Variants in MYRIP observed in about 807,000 individuals in gnomAD.
MYRIP encodes the protein rab effector MyRIP.
A neutral mutation model predicts 98.0 loss-of-function variants in MYRIP; 49 were observed. The ratio of observed to expected loss-of-function variants is 0.50; its 90% CI spans 0.40 to 0.63. The LOEUF (loss-of-function observed/expected upper bound fraction) is 0.63, where lower values mean the gene tolerates loss of function less well. Among genes scored for constraint, MYRIP ranks in the 30% least tolerant of loss-of-function variants. MYRIP has a pLI of 0.00. For missense variants in MYRIP, 1,004 were observed against 1,058.2 expected, an observed-to-expected ratio of 0.95 and a Z score of 0.71; for synonymous variants, 404 against 409.5, an observed-to-expected ratio of 0.99 and a Z score of 0.16.
intron 1 of MYRIP, among the ~76,000 whole-genome samples, chr3:39,897,030 C>T (rs1159599667): frequency 6.6e-6 from 1 of 152,164 alleles, no homozygotes; most frequent in African/African-American, 2.4e-5. Flanking sequence ...GCTCATCTAA[C>T]TCTGTTGCTT....
intron 3 of MYRIP, among the ~76,000 whole-genome samples, chr3:40,099,334 C>A (rs1948895491): frequency 6.6e-6 from 1 of 152,138 alleles, no homozygotes; most frequent in South Asian, 2.1e-4. Context: ...AATATTTGAG[C>A]ACTATAATAT....
At chr3:40,138,271 C>T (rs998533175) in intron 3 of MYRIP, among the ~76,000 whole-genome samples, 2 of 152,118 alleles carry the variant, frequency 1.3e-5, no homozygotes, top group Admixed American at 6.6e-5. Flanking sequence ...CTGCTGGCAC[C>T]CCCAGTGAGT....
intron 3 of MYRIP, among the ~76,000 whole-genome samples, chr3:40,117,087 G>A (rs578060024): frequency 6.8e-4 from 104 of 152,264 alleles, no homozygotes; most frequent in African/African-American, 2.5e-3. Flanking sequence ...TGGAGCATCC[G>A]GTGAGGCCAC....
chr3:40,064,348 C>A (rs760670412), intron 3 of MYRIP, among the ~76,000 whole-genome samples: 1 of 151,492 alleles, frequency 6.6e-6, no homozygotes, highest in Admixed American at 6.6e-5. Context: ...AAAAAGTGGC[C>A]TTTGGAGGGA....
chr3:40,011,410 A>G (rs894966026), intron 2 of MYRIP, among the ~76,000 whole-genome samples: 2 of 152,290 alleles, frequency 1.3e-5, no homozygotes, highest in Middle Eastern at 3.4e-3. Context: ...GCTCACCGTT[A>G]ATCATGGTTT....
intron 2 of MYRIP, among the ~76,000 whole-genome samples, chr3:40,004,866 G>T (rs1201000886): frequency 6.6e-6 from 1 of 152,056 alleles, no homozygotes; most frequent in Non-Finnish European, 1.5e-5. Context: ...TGAGGTTTGG[G>T]TTTCTATTGA....
intron 2 of MYRIP, among the ~76,000 whole-genome samples, chr3:40,015,581 A>G (rs978122521): frequency 1.3e-5 from 2 of 152,212 alleles, no homozygotes; most frequent in Non-Finnish European, 2.9e-5. Context: ...CAAGGGAGCC[A>G]GATTCTGCAC....
intron 2 of MYRIP, among the ~76,000 whole-genome samples, chr3:40,033,119 A>C (rs1456034932): frequency 1.3e-5 from 2 of 149,876 alleles, no homozygotes; most frequent in African/African-American, 4.9e-5. Context: ...TATCATACTG[A>C]ATGGGCAAAA....
chr3:39,874,917 T>C (rs1285722016), intron 1 of MYRIP, among the ~76,000 whole-genome samples: 1 of 152,226 alleles, frequency 6.6e-6, no homozygotes. Flanking sequence ...GAAGGAATGG[T>C]ACCAGTTCCT....
At chr3:40,228,345 A>G (rs1167521832) in intron 11 of MYRIP, among the ~76,000 whole-genome samples, 1 of 152,242 alleles carries the variant, frequency 6.6e-6, no homozygotes, top group Non-Finnish European at 1.5e-5. Context: ...TACTAAGATT[A>G]TATATTAAAA....
chr3:40,210,188 CA>C, intron 11 of MYRIP, 95 bp downstream of exon 11: 1 of 1,441,784 alleles, frequency 6.9e-7, no homozygotes, highest in South Asian at 1.4e-5. Flanking sequence ...GCTGGGTCCC[CA>C]AAGAGCTCTC....
chr3:39,825,268 A>G (rs1193110981), intron 1 of MYRIP, among the ~76,000 whole-genome samples: 2 of 152,152 alleles, frequency 1.3e-5, no homozygotes, highest in South Asian at 2.1e-4. Flanking sequence ...CTCGTCTTGC[A>G]CTAGTTCTTG....
At chr3:39,847,825 A>G (rs1488705850) in intron 1 of MYRIP, among the ~76,000 whole-genome samples, 1 of 152,138 alleles carries the variant, frequency 6.6e-6, no homozygotes, top group Non-Finnish European at 1.5e-5. Flanking sequence ...TCCATGCAGG[A>G]CCATGTTATC....
chr3:40,194,610 C>T (rs2679818), intron 10 of MYRIP, among the ~76,000 whole-genome samples: 131,463 of 151,654 alleles, frequency 0.87, 57,286 homozygotes, highest in Middle Eastern at 0.95. Flanking sequence ...TGCAAAGAAG[C>T]CTTTTTAAGT....
At chr3:40,028,777 A>G (rs1360594182) in intron 2 of MYRIP, among the ~76,000 whole-genome samples, 2 of 152,008 alleles carry the variant, frequency 1.3e-5, no homozygotes, top group African/African-American at 4.8e-5. Context: ...GTAATTAACC[A>G]TTATAAGTCA....
intron 3 of MYRIP, chr3:40,100,249 C>T (rs1474702728): frequency 2.8e-5 from 28 of 985,192 alleles, no homozygotes; most frequent in East Asian, 1.1e-4. Flanking sequence ...CCACCAGTTA[C>T]GGTAATTTTA....
chr3:39,948,517 GTAA>G (rs942114144), intron 2 of MYRIP, among the ~76,000 whole-genome samples: 12 of 152,134 alleles, frequency 7.9e-5, no homozygotes, highest in African/African-American at 2.9e-4. Context: ...ATTAAAGTAA[GTAA>G]TAATTTAAAT....
intron 3 of MYRIP, among the ~76,000 whole-genome samples, chr3:40,128,773 T>G (rs1418433166): frequency 6.6e-6 from 1 of 152,226 alleles, no homozygotes; most frequent in African/African-American, 2.4e-5. Context: ...GTATACTTCA[T>G]TTTTCATAAA....
intron 1 of MYRIP, among the ~76,000 whole-genome samples, chr3:39,811,365 GT>G (rs1265749372): frequency 6.6e-6 from 1 of 152,144 alleles, no homozygotes; most frequent in Non-Finnish European, 1.5e-5. Flanking sequence ...ATGCACTGGG[GT>G]TTTATTAAAA....
Sources: allele counts gnomAD v4.1 joint callset (sites outside exome capture counted in the v4.1 genomes callset), GRCh38; gene constraint gnomAD v4.1.1; transcripts MANE v1.5; gene names NCBI Gene and HGNC (gene_info 2026-07-23, HGNC 2026-07-21).